Variants in EFHD1 observed in about 807,000 individuals in gnomAD.
EFHD1 encodes EF-hand domain-containing protein D1.
In EFHD1, 10 loss-of-function variants were observed where a neutral mutation model predicts 17.2. The observed-to-expected ratio is 0.58, with a 90% CI of 0.36 to 0.99. The LOEUF (loss-of-function observed/expected upper bound fraction) is 0.99, where lower values mean the gene tolerates loss of function less well. Among genes scored for constraint, EFHD1 ranks in the 50% least tolerant of loss-of-function variants. The pLI is 0.01. For synonymous variants in EFHD1, 153 were observed against 142.0 expected (o/e 1.08, Z -0.55); for missense variants, 310 against 327.5 (o/e 0.95, Z 0.41).
intron 1 of EFHD1, among the ~76,000 whole-genome samples, chr2:232,640,784 C>A (rs1304132807): frequency 6.6e-6 from 1 of 152,122 alleles, no homozygotes; most frequent in Non-Finnish European, 1.5e-5. Flanking sequence ...CTGCTGCATT[C>A]AAAGCAGGGG....
At chr2:232,645,041 A>G (rs1694503752) in intron 1 of EFHD1, among the ~76,000 whole-genome samples, 1 of 149,842 alleles carries the variant, frequency 6.7e-6, no homozygotes, top group South Asian at 2.1e-4. Context: ...TCAGCCTCCT[A>G]AAATGCTGGC....
chr2:232,613,937 T>C (rs746404346), intron 1 of EFHD1, among the ~76,000 whole-genome samples: 38 of 149,924 alleles, frequency 2.5e-4, no homozygotes, highest in Non-Finnish European at 5.5e-4. Flanking sequence ...CACATACCCA[T>C]ATACACACAT....
rs1468094374 is a variant in EFHD1, at chr2:232,682,324, T to G, written c.*605T>G. 1 of 152,696 alleles carries G rather than the reference T, an allele frequency of 6.5e-6. No individual in the cohort carries two copies. The highest frequency in any genetic ancestry group is 1.5e-5 in the Non-Finnish European group (1 of 68,350). 9.5% of individuals were successfully genotyped at this position (152,696 alleles called of 1,614,324 possible). On this transcript the variant is annotated 3_prime_UTR_variant, in exon 4 of 4. Coordinates refer to ENST00000264059, the MANE Select transcript of EFHD1 (RefSeq NM_025202.4). ...CAGAGGTCTGCTCCTTCCTGCCACC[T>G]TTCTCCTGGCCCCTTAGCATTCCCC...
At chr2:232,656,437 T>C (rs1694762926) in intron 1 of EFHD1, among the ~76,000 whole-genome samples, 1 of 151,480 alleles carries the variant, frequency 6.6e-6, no homozygotes, top group Non-Finnish European at 1.5e-5. Context: ...TTTTTTTTTT[T>C]TTTTTTAATT....
intron 1 of EFHD1, among the ~76,000 whole-genome samples, chr2:232,613,267 T>C (rs1693841653): frequency 6.6e-6 from 1 of 151,494 alleles, no homozygotes; most frequent in Non-Finnish European, 1.5e-5. Context: ...CTACTAAAAA[T>C]ACGAAAATGA....
chr2:232,627,588 A>G (rs1349215555), intron 1 of EFHD1, among the ~76,000 whole-genome samples: 3 of 152,180 alleles, frequency 2.0e-5, no homozygotes, highest in Non-Finnish European at 4.4e-5. Flanking sequence ...TTTTCTTCAT[A>G]TACTTCAAAC....
At chr2:232,625,036 TTTTA>T (rs1694082349) in intron 1 of EFHD1, among the ~76,000 whole-genome samples, 1 of 152,206 alleles carries the variant, frequency 6.6e-6, no homozygotes, top group South Asian at 2.1e-4. Context: ...CAAGCTAGAT[TTTTA>T]TTTATTTTGT....
chr2:232,641,456 G>T (rs1159479525), intron 1 of EFHD1, among the ~76,000 whole-genome samples: 1 of 152,178 alleles, frequency 6.6e-6, no homozygotes, highest in Non-Finnish European at 1.5e-5. Flanking sequence ...GTTAGGAAGG[G>T]CCGAAAGCTT....
intron 1 of EFHD1, among the ~76,000 whole-genome samples, chr2:232,627,761 C>A (rs1447721879): frequency 6.6e-6 from 1 of 152,004 alleles, no homozygotes; most frequent in Admixed American, 6.6e-5. Flanking sequence ...CTTCTCTCTT[C>A]TTATCAATGT....
At chr2:232,614,581 C>A (rs760455903) in intron 1 of EFHD1, among the ~76,000 whole-genome samples, 2 of 152,198 alleles carry the variant, frequency 1.3e-5, no homozygotes, top group Non-Finnish European at 2.9e-5. Flanking sequence ...GCTTTCTAAT[C>A]CCCTCAAGAA....
At chr2:232,665,331 A>AC (rs1694949596) in intron 2 of EFHD1, among the ~76,000 whole-genome samples, 1 of 152,078 alleles carries the variant, frequency 6.6e-6, no homozygotes, top group Admixed American at 6.6e-5. Context: ...CAAGGATGCC[A>AC]CCCCACAGGG....
At chr2:232,634,366 A>G (rs978457052) in intron 1 of EFHD1, among the ~76,000 whole-genome samples, 2 of 151,876 alleles carry the variant, frequency 1.3e-5, no homozygotes, top group Admixed American at 6.6e-5. Context: ...GCCGCGCCTC[A>G]CCTGCCAGCT....
intron 1 of EFHD1, among the ~76,000 whole-genome samples, chr2:232,642,612 G>C (rs560207173): frequency 1.9e-3 from 289 of 152,208 alleles, no homozygotes; most frequent in Middle Eastern, 3.4e-3. Context: ...TGGGAGATAA[G>C]AATCTTATGA....
chr2:232,632,265 C>A (rs11902420), upstream of EFHD1, among the ~76,000 whole-genome samples: 25,649 of 152,130 alleles, frequency 0.17, 3,382 homozygotes, highest in African/African-American at 0.35. Context: ...TTATACTTTT[C>A]TTTAAAAAAC....
chr2:232,642,489 C>T (rs903581572), intron 1 of EFHD1, among the ~76,000 whole-genome samples: 3 of 151,898 alleles, frequency 2.0e-5, no homozygotes, highest in East Asian at 1.9e-4. Flanking sequence ...TTGGAACTCT[C>T]GCCAATAGTG....
At chr2:232,640,477 T>C (rs1474928343) in intron 1 of EFHD1, among the ~76,000 whole-genome samples, 2 of 152,160 alleles carry the variant, frequency 1.3e-5, no homozygotes, top group African/African-American at 4.8e-5. Context: ...ATGACGATGA[T>C]CACCATGAGC....
intron 1 of EFHD1, among the ~76,000 whole-genome samples, chr2:232,655,455 G>A (rs1478883364): frequency 6.6e-6 from 1 of 152,252 alleles, no homozygotes; most frequent in Non-Finnish European, 1.5e-5. Flanking sequence ...AGAGGACTGT[G>A]TGGTCAGATG....
intron 1 of EFHD1, among the ~76,000 whole-genome samples, chr2:232,606,978 A>G (rs954990827): frequency 6.6e-6 from 1 of 151,484 alleles, no homozygotes; most frequent in Non-Finnish European, 1.5e-5. Flanking sequence ...CTGGAGACAC[A>G]TCATAACTTT....
intron 2 of EFHD1, among the ~76,000 whole-genome samples, chr2:232,668,193 C>A (rs1474039315): frequency 1.3e-5 from 2 of 152,200 alleles, no homozygotes; most frequent in Admixed American, 6.5e-5. Flanking sequence ...CAAGGCTGGG[C>A]AGTTGGATAA....
Sources: allele counts gnomAD v4.1 joint callset (sites outside exome capture counted in the v4.1 genomes callset), GRCh38; gene constraint gnomAD v4.1.1; transcripts MANE v1.5; gene names NCBI Gene and HGNC (gene_info 2026-07-23, HGNC 2026-07-21).